Variants in LRRC40 observed in about 807,000 individuals in gnomAD.
The protein encoded by LRRC40 is leucine rich repeat containing 40.
Under a neutral mutation model 72.8 loss-of-function variants are expected in LRRC40, and 76 were observed. The observed-to-expected ratio is 1.04, with a 90% CI of 0.87 to 1.26. The LOEUF is 1.26. LRRC40 is among the 50% of genes most tolerant of loss of function. The pLI is 0.00. For missense variants in LRRC40, 684 were observed against 698.9 expected, an observed-to-expected ratio of 0.98 and a Z score of 0.24; for synonymous variants, 243 against 254.2, an observed-to-expected ratio of 0.96 and a Z score of 0.42.
At position 70,159,289 on chromosome 1, in the gene LRRC40, C is replaced by T. The variant is rs1320171386; in HGVS notation, c.1220+41G>A. 7 of 939,170 alleles carry T rather than the reference C, an allele frequency of 7.5e-6. No individual in the cohort carries two copies. The East Asian group carries it at 1.7e-4, about 23-fold the overall frequency. The allele number at this position is 939,170 out of a possible 1,614,324, so 58.2% of individuals were successfully genotyped here. On this transcript the variant is annotated intron_variant, in intron 10 of 14. Transcript: ENST00000370952. ...GACCAGCCTGGGCAACACAGTAAGA[C>T]CCTATCTCTATAAAAATAAAAATAA...
intron 1 of LRRC40, among the ~76,000 whole-genome samples, chr1:70,193,557 A>G (rs139485267): frequency 0.021 from 3,187 of 152,186 alleles, 47 homozygotes; most frequent in Non-Finnish European, 0.031. Context: ...TACTAATTCT[A>G]CATAAACTCT....
chr1:70,168,818 CA>C (rs1667942704), intron 9 of LRRC40, among the ~76,000 whole-genome samples: 1 of 152,094 alleles, frequency 6.6e-6, no homozygotes, highest in South Asian at 2.1e-4. Flanking sequence ...CTTAAACAAC[CA>C]ATGGGCCAAA....
At chr1:70,146,176 C>T (rs569806836) in intron 14 of LRRC40, among the ~76,000 whole-genome samples, 7 of 152,104 alleles carry the variant, frequency 4.6e-5, no homozygotes, top group Non-Finnish European at 8.8e-5. Flanking sequence ...AGGTGTGTTC[C>T]ACCACACCCG....
chr1:70,189,467 A>T (rs1040239447), intron 1 of LRRC40, among the ~76,000 whole-genome samples, 194 bp from the exon 2 acceptor site: 3 of 152,234 alleles, frequency 2.0e-5, no homozygotes, highest in Non-Finnish European at 4.4e-5. Flanking sequence ...AAAAGGCTAT[A>T]TATCAATAAT....
At chr1:70,146,512 A>G (rs1667299522) in intron 14 of LRRC40, among the ~76,000 whole-genome samples, 1 of 152,194 alleles carries the variant, frequency 6.6e-6, no homozygotes, top group Non-Finnish European at 1.5e-5. Context: ...TTCTGTTTTA[A>G]TAGATGAGGA....
intron 4 of LRRC40, among the ~76,000 whole-genome samples, chr1:70,184,312 CTATT>C (rs1668314059): frequency 1.3e-5 from 2 of 152,108 alleles, no homozygotes; most frequent in South Asian, 4.1e-4. Flanking sequence ...ACAGTTATCT[CTATT>C]TAAGGTAAGT....
chr1:70,157,972 C>T (rs1055241818), intron 10 of LRRC40, among the ~76,000 whole-genome samples: 1 of 151,254 alleles, frequency 6.6e-6, no homozygotes, highest in African/African-American at 2.4e-5. Context: ...GGCAGGATAG[C>T]GTGCAGCAGT....
In LRRC40 at chr1:70,178,960, A is replaced by G. The variant is rs377656620; in HGVS notation, c.695T>C (p.Leu232Ser). The change falls in exon 6 of 15, where the codon TTG becomes TCG. Residue 232 changes from leucine to serine, a missense_variant. Coordinates refer to ENST00000370952, the MANE Select transcript of LRRC40 (RefSeq NM_017768.5). ...AGCCAATTCAGGAGGTATAGTTTCC[A>G]AGAGATTTGAATTACAATCCAAATG... is the stretch of plus-strand genomic sequence containing the variant. ...LKHLDCNSNL[L>S]ETIPPELAGM... is the part of the protein sequence containing the mutation. The G allele has an allele frequency of 2.5e-6, 4 of 1,600,658 alleles. No individual in the cohort carries two copies. The highest frequency in any genetic ancestry group is 3.4e-6 in the Non-Finnish European group (4 of 1,171,530).
intron 9 of LRRC40, among the ~76,000 whole-genome samples, chr1:70,163,135 G>A (rs1000644204): frequency 6.6e-6 from 1 of 151,122 alleles, no homozygotes; most frequent in Non-Finnish European, 1.5e-5. Flanking sequence ...GAGTGCAGTG[G>A]CACCATCTTG....
At chr1:70,178,743 ATAAC>A (rs1668164984) in intron 6 of LRRC40, 104 bp downstream of exon 6, 1 of 577,658 alleles carries the variant, frequency 1.7e-6, no homozygotes, top group Non-Finnish European at 2.8e-6. Flanking sequence ...CACAGTACTT[ATAAC>A]TAATACACAC....
At chr1:70,163,800 C>T (rs780723174) in intron 9 of LRRC40, among the ~76,000 whole-genome samples, 14 of 152,130 alleles carry the variant, frequency 9.2e-5, no homozygotes, top group South Asian at 2.1e-4. Context: ...GGTGATAGAG[C>T]TTGAATAAAG....
chr1:70,151,112 T>C lies in LRRC40; in HGVS notation c.1517+16A>G, dbSNP rs1426362307. The C allele has an allele frequency of 7.2e-7, 1 of 1,392,750 alleles. No individual in the cohort carries two copies. The allele number at this position is 1,392,750 out of a possible 1,614,324, so 86.3% of individuals were successfully genotyped here. A position where few individuals can be genotyped will look rare whatever the true frequency, so the allele number is the denominator to read the frequency against. ...TATTTCCACAGAATAACAATTAGAA[T>C]TGTCTGTTCTCTTACCTATTAAAGG... is the stretch of plus-strand genomic sequence containing the variant. On this transcript the variant is annotated intron_variant, in intron 13 of 14. Coordinates refer to ENST00000370952, the MANE Select transcript of LRRC40 (RefSeq NM_017768.5).
At position 70,202,336 on chromosome 1, in the gene LRRC40, T is replaced by C. The variant is rs182201582; in HGVS notation, c.151+3054A>G. Among the ~76,000 whole-genome samples, 188 of 152,168 alleles carry C rather than the reference T, an allele frequency of 1.2e-3. 1 individual carries two copies. Among genetic ancestry groups the C allele is most frequent in the African/African-American group, 3.8e-3 (156 of 41,510 alleles). ...TGAACAAAATGGTACATTCATACAA[T>C]TGAATATTACTCAGCAATAAAAAAA... On this transcript the variant is annotated intron_variant, in intron 1 of 14. Transcript: ENST00000370952.
chr1:70,194,969 G>C (rs1668577401), intron 1 of LRRC40, among the ~76,000 whole-genome samples: 1 of 151,986 alleles, frequency 6.6e-6, no homozygotes, highest in South Asian at 2.1e-4. Context: ...AATAAAAAAG[G>C]AATCATGTTT....
chr1:70,202,930 G>T (rs1468442839), intron 1 of LRRC40, among the ~76,000 whole-genome samples: 1 of 152,114 alleles, frequency 6.6e-6, no homozygotes, highest in East Asian at 1.9e-4. Context: ...TCACTCTCTT[G>T]CCCAAGCTGG....
chr1:70,153,933 A>G (rs1667573522), intron 11 of LRRC40, among the ~76,000 whole-genome samples: 1 of 148,232 alleles, frequency 6.7e-6, no homozygotes, highest in Non-Finnish European at 1.5e-5. Context: ...CGATTGTGCC[A>G]GTGAACTCCA....
intron 1 of LRRC40, among the ~76,000 whole-genome samples, chr1:70,202,270 C>T (rs1049109290): frequency 7.2e-5 from 11 of 151,794 alleles, no homozygotes; most frequent in Non-Finnish European, 1.2e-4. Flanking sequence ...TTCATAACTG[C>T]CAAAAACTGG....
At chr1:70,146,367 A>G (rs1429206652) in intron 14 of LRRC40, among the ~76,000 whole-genome samples, 2 of 152,204 alleles carry the variant, frequency 1.3e-5, no homozygotes, top group Non-Finnish European at 2.9e-5. Context: ...CATTAGAATT[A>G]TAACTAATTA....
intron 1 of LRRC40, among the ~76,000 whole-genome samples, chr1:70,192,603 G>GAAAAGCAAA (rs1668525767): frequency 1.3e-5 from 2 of 152,076 alleles, no homozygotes; most frequent in African/African-American, 4.8e-5. Context: ...AGAAAATGTG[G>GAAAAGCAAA]TACATATACA....
Sources: gnomAD v4.1 joint callset for allele counts (sites outside exome capture counted in the v4.1 genomes callset) on GRCh38, gnomAD v4.1.1 for gene constraint, MANE v1.5 for transcripts, NCBI Gene and HGNC (gene_info 2026-07-23, HGNC 2026-07-21) for gene names.